Variants in MARCHF1 observed in about 807,000 individuals in gnomAD.
MARCHF1 encodes the protein E3 ubiquitin-protein ligase MARCHF1.
In MARCHF1, 40 loss-of-function variants were observed where a neutral mutation model predicts 54.2. That is an observed-to-expected ratio of 0.74 (90% CI 0.57 to 0.96). MARCHF1 has a LOEUF of 0.96. MARCHF1 is among the 40% of genes least tolerant of loss of function. The pLI is 0.00. For missense variants in MARCHF1, 586 were observed against 656.5 expected (o/e 0.89, Z 1.17); for synonymous variants, 236 against 236.3 (o/e 1.00, Z 0.01).
At chr4:164,053,113 G>A (rs1292339747) in intron 2 of MARCHF1, among the ~76,000 whole-genome samples, 1 of 152,036 alleles carries the variant, frequency 6.6e-6, no homozygotes, top group Non-Finnish European at 1.5e-5. Flanking sequence ...AGTTATTGGG[G>A]GAGCATATTG....
At chr4:164,005,845 C>T (rs1358068685) in intron 2 of MARCHF1, among the ~76,000 whole-genome samples, 1 of 152,130 alleles carries the variant, frequency 6.6e-6, no homozygotes, top group African/African-American at 2.4e-5. Flanking sequence ...TCCAGCCTTA[C>T]CATGCTGCTG....
At chr4:163,967,123 A>C (rs1480715613) in intron 3 of MARCHF1, among the ~76,000 whole-genome samples, 1 of 152,146 alleles carries the variant, frequency 6.6e-6, no homozygotes, top group Non-Finnish European at 1.5e-5. Context: ...TGAAAGAAGA[A>C]ATGTCTTTTG....
intron 2 of MARCHF1, among the ~76,000 whole-genome samples, chr4:164,085,880 A>G (rs1468673782): frequency 6.6e-6 from 1 of 151,822 alleles, no homozygotes; most frequent in Non-Finnish European, 1.5e-5. Context: ...TAGAATACTT[A>G]TTGGAGAAAG....
chr4:163,937,535 G>A (rs1751824632), intron 3 of MARCHF1, among the ~76,000 whole-genome samples: 1 of 151,200 alleles, frequency 6.6e-6, no homozygotes, highest in Non-Finnish European at 1.5e-5. Context: ...TATAACACAT[G>A]CATGCATGCA....
chr4:163,640,805 T>G (rs756210540), intron 5 of MARCHF1, among the ~76,000 whole-genome samples: 16 of 152,152 alleles, frequency 1.1e-4, no homozygotes, highest in Non-Finnish European at 1.8e-4. Context: ...TTAGATTAGT[T>G]AATTTATATA....
intron 3 of MARCHF1, among the ~76,000 whole-genome samples, chr4:163,949,588 A>G (rs1360974718): frequency 6.6e-6 from 1 of 152,182 alleles, no homozygotes; most frequent in Non-Finnish European, 1.5e-5. Flanking sequence ...AGACAAGTGG[A>G]GGGTAAGCAA....
rs953560417 is a variant in MARCHF1, at chr4:163,653,848, G to A, written c.163-40455C>T. ...ATCCAAGTAAAGATGATGGGTATGTGTAGTTGGATATATAATATTGGAGTT... is the reference window on the plus strand; with the variant it reads ...ATCCAAGTAAAGATGATGGGTATGTATAGTTGGATATATAATATTGGAGTT... On this transcript the variant is annotated intron_variant, in intron 5 of 9. Transcript: ENST00000514618. 5.5e-4 allele frequency among the ~76,000 whole-genome samples: 77 copies of A among 139,924 alleles called. 1 individual carries two copies. The highest frequency in any genetic ancestry group is 2.0e-3 in the African/African-American group (74 of 37,370). The allele number at this position is 139,924 out of a possible 152,430, so 91.8% of individuals were successfully genotyped here.
intron 4 of MARCHF1, among the ~76,000 whole-genome samples, chr4:163,750,545 T>C (rs1746493244): frequency 7.9e-6 from 1 of 127,380 alleles, no homozygotes; most frequent in Non-Finnish European, 1.9e-5. Context: ...AATAAATAAA[T>C]AAATAAATAA....
chr4:164,232,464 C>T (rs539627882), intron 1 of MARCHF1, among the ~76,000 whole-genome samples: 1 of 152,158 alleles, frequency 6.6e-6, no homozygotes, highest in South Asian at 2.1e-4. Flanking sequence ...ACAGTGAACA[C>T]TAATAGCAAT....
At chr4:164,029,481 A>G (rs975366021) in intron 2 of MARCHF1, among the ~76,000 whole-genome samples, 1 of 151,032 alleles carries the variant, frequency 6.6e-6, no homozygotes, top group African/African-American at 2.4e-5. Flanking sequence ...CAATAACTCA[A>G]TGTGAGATTT....
chr4:164,137,081 C>A (rs903539855), intron 1 of MARCHF1, among the ~76,000 whole-genome samples: 9 of 152,078 alleles, frequency 5.9e-5, no homozygotes, highest in South Asian at 2.1e-4. Flanking sequence ...AGGGAAAAAA[C>A]CAGTATTTTG....
At chr4:164,201,305 C>T (rs1276689750) in intron 1 of MARCHF1, among the ~76,000 whole-genome samples, 3 of 152,140 alleles carry the variant, frequency 2.0e-5, no homozygotes, top group East Asian at 1.9e-4. Context: ...CTGCAACCTC[C>T]GCCTCCCAGG....
intron 3 of MARCHF1, among the ~76,000 whole-genome samples, chr4:163,957,024 T>G (rs184037268): frequency 6.6e-6 from 1 of 152,152 alleles, no homozygotes; most frequent in Non-Finnish European, 1.5e-5. Flanking sequence ...AGACTCTATG[T>G]GACTTTTATT....
intron 3 of MARCHF1, among the ~76,000 whole-genome samples, chr4:163,877,035 A>G (rs1459009475): frequency 1.3e-5 from 2 of 150,528 alleles, no homozygotes; most frequent in African/African-American, 4.8e-5. Context: ...GAAATTTTAG[A>G]AAGTAGAAAG....
In MARCHF1 at chr4:164,101,388, G is replaced by A. The variant is rs1378081097; in HGVS notation, c.-248+10200C>T. The stretch of plus-strand genomic sequence containing the variant: ...GTCTGACAGCTTTGAAGAGAGCAGT[G>A]GTTCTCCCAGCACGCAGCTGGAGAT... On this transcript the variant is annotated intron_variant, in intron 2 of 9. Coordinates refer to ENST00000514618, the MANE Select transcript of MARCHF1 (RefSeq NM_001394959.1). 1.7e-4 allele frequency among the ~76,000 whole-genome samples: 21 copies of A among 126,550 alleles called. 2 individuals are homozygous for A. Among genetic ancestry groups the A allele is most frequent in the African/African-American group, 4.7e-4 (17 of 35,802 alleles). The allele number at this position is 126,550 out of a possible 152,430, so 83.0% of individuals were successfully genotyped here. A position where few individuals can be genotyped will look rare whatever the true frequency, so the allele number is the denominator to read the frequency against.
At chr4:164,188,599 T>C in intron 1 of MARCHF1, 1 of 857,416 alleles carries the variant, frequency 1.2e-6, no homozygotes, top group Non-Finnish European at 2.0e-6. Context: ...AAGGGGAATA[T>C]CTGATCGGCG....
chr4:164,129,246 C>A (rs1318042768), intron 1 of MARCHF1, among the ~76,000 whole-genome samples: 1 of 152,082 alleles, frequency 6.6e-6, no homozygotes, highest in African/African-American at 2.4e-5. Flanking sequence ...ATTTTCATCA[C>A]CTCAAATGCG....
Position 163,574,401 on chromosome 4 carries a change from C to T in MARCHF1, c.1191+11348G>A, listed in dbSNP as rs1045977848. On this transcript the variant is annotated intron_variant, in intron 8 of 9. Transcript: ENST00000514618. The stretch of plus-strand genomic sequence containing the variant: ...TGAAGTCCTTGCCCGTGCCTATGTC[C>T]TGAATGGTATTGCCTAGGTTTTCTT... Among the ~76,000 whole-genome samples the T allele has an allele frequency of 3.3e-5, 5 of 151,830 alleles. No individual in the cohort carries two copies. In the East Asian group the frequency reaches 9.6e-4, roughly 29 times the overall value.
At chr4:164,094,814 CAAAGA>C (rs967206903) in intron 2 of MARCHF1, among the ~76,000 whole-genome samples, 33 of 151,904 alleles carry the variant, frequency 2.2e-4, no homozygotes, top group Non-Finnish European at 2.4e-4. Context: ...ACCTTCAGTT[CAAAGA>C]AAAGAACAAC....
Sources: allele counts gnomAD v4.1 joint callset (sites outside exome capture counted in the v4.1 genomes callset), GRCh38; gene constraint gnomAD v4.1.1; transcripts MANE v1.5; gene names NCBI Gene and HGNC (gene_info 2026-07-23, HGNC 2026-07-21).